Variants in RAI1 observed in about 807,000 individuals in gnomAD.
The protein encoded by RAI1 is retinoic acid-induced protein 1.
Under a neutral mutation model 123.8 loss-of-function variants are expected in RAI1, and 9 were observed. The observed-to-expected ratio is 0.07, with a 90% CI of 0.04 to 0.13. The LOEUF (loss-of-function observed/expected upper bound fraction) is 0.13, where lower values mean the gene tolerates loss of function less well. RAI1 is among the 10% of genes least tolerant of loss of function. The pLI is 1.00. For missense variants in RAI1, 2,256 were observed against 2,545.8 expected (o/e 0.89, Z 2.45); for synonymous variants, 1,231 against 1,127.3 (o/e 1.09, Z -1.84).
chr17:17,738,882 T>A (rs578232998), intron 2 of RAI1, among the ~76,000 whole-genome samples: 1 of 152,274 alleles, frequency 6.6e-6, no homozygotes, highest in South Asian at 2.1e-4. Context: ...TGGGCTGTCC[T>A]CCCTGTTTTT....
At chr17:17,725,394 C>T (rs1916053181) in intron 2 of RAI1, among the ~76,000 whole-genome samples, 1 of 152,282 alleles carries the variant, frequency 6.6e-6, no homozygotes, top group East Asian at 1.9e-4. Context: ...CGCCTCGACC[C>T]CTCCCTCAGG....
intron 1 of RAI1, 32 bp downstream of exon 1, chr17:17,681,825 C>CTTTGTG: frequency 3.5e-6 from 1 of 289,204 alleles, no homozygotes; most frequent in Non-Finnish European, 6.4e-6. Flanking sequence ...GCGGGGGGCG[C>CTTTGTG]AGTGTATCCT....
At chr17:17,744,612 G>A (rs1916754473) in intron 2 of RAI1, among the ~76,000 whole-genome samples, 1 of 152,008 alleles carries the variant, frequency 6.6e-6, no homozygotes, top group Admixed American at 6.6e-5. Flanking sequence ...CCAACATGGT[G>A]AAACCCTGTC....
chr17:17,791,500 C>G (rs2032012038), intron 2 of RAI1, among the ~76,000 whole-genome samples: 1 of 152,190 alleles, frequency 6.6e-6, no homozygotes, highest in Non-Finnish European at 1.5e-5. Flanking sequence ...TTCCTGACCC[C>G]TTCAACAACC....
intron 2 of RAI1, among the ~76,000 whole-genome samples, chr17:17,752,814 G>A (rs2030263372): frequency 6.6e-6 from 1 of 152,182 alleles, no homozygotes; most frequent in Non-Finnish European, 1.5e-5. Flanking sequence ...CACACAGACC[G>A]TGACCTGCCC....
intron 2 of RAI1, chr17:17,777,958 C>T (rs2031413012): frequency 6.6e-6 from 1 of 152,250 alleles, no homozygotes; most frequent in African/African-American, 2.4e-5. Context: ...GAGGGTGCTC[C>T]TTGGACAGGA....
chr17:17,785,401 C>T (rs987279109), intron 2 of RAI1, among the ~76,000 whole-genome samples: 2 of 152,244 alleles, frequency 1.3e-5, no homozygotes, highest in Non-Finnish European at 2.9e-5. Context: ...GGGACATCGA[C>T]TCTGGGGCCA....
In RAI1 at chr17:17,681,748, G is replaced by A. The variant is rs1468380903; in HGVS notation, c.-194G>A. On this transcript the variant is annotated 5_prime_UTR_variant, in exon 1 of 6. Transcript: ENST00000353383. ...GCCACCCAGGCCTCCGGGCCGCGAA[G>A]TCGCAGCGCCAGACCCAAGGCCCCC... The A allele has an allele frequency of 3.0e-6, 1 of 328,278 alleles. No individual in the cohort carries two copies. The highest frequency in any genetic ancestry group is 2.2e-5 in the African/African-American group (1 of 45,658). The allele number at this position is 328,278 out of a possible 1,614,324, so 20.3% of individuals were successfully genotyped here.
chr17:17,784,172 C>T (rs1237926059), intron 2 of RAI1, among the ~76,000 whole-genome samples: 2 of 152,198 alleles, frequency 1.3e-5, no homozygotes, highest in Non-Finnish European at 2.9e-5. Flanking sequence ...GGCTTCCTCC[C>T]CTGGGGACTG....
rs547345429 is a variant in RAI1 at position 17,769,184 on chromosome 17, C to T, written c.-16-23749C>T. On this transcript the variant is annotated intron_variant, in intron 2 of 5. Coordinates refer to ENST00000353383, the MANE Select transcript of RAI1 (RefSeq NM_030665.4). Reference sequence around the variant, plus strand: ...CACGAACAAGGGAGAAAGTTGCTGGCGTGGTCTCCTCACAGAAGAGCCAGG... The same window carrying T: ...CACGAACAAGGGAGAAAGTTGCTGGTGTGGTCTCCTCACAGAAGAGCCAGG... Among the ~76,000 whole-genome samples, 5 of 152,382 alleles carry T rather than the reference C, an allele frequency of 3.3e-5. No homozygotes were observed. The East Asian group carries it at 5.8e-4, about 18-fold the overall frequency.
intron 2 of RAI1, among the ~76,000 whole-genome samples, chr17:17,764,279 A>G (rs930616046): frequency 6.6e-6 from 1 of 152,184 alleles, no homozygotes; most frequent in Non-Finnish European, 1.5e-5. Context: ...AGCACGAATC[A>G]TAGGTGGACA....
At chr17:17,743,237 G>T (rs1173787228) in intron 2 of RAI1, among the ~76,000 whole-genome samples, 1 of 152,164 alleles carries the variant, frequency 6.6e-6, no homozygotes, top group Non-Finnish European at 1.5e-5. Flanking sequence ...TGATCCTCTT[G>T]CCTTGGCCTC....
intron 1 of RAI1, among the ~76,000 whole-genome samples, chr17:17,705,279 T>A (rs1915357476): frequency 6.6e-6 from 1 of 152,244 alleles, no homozygotes; most frequent in South Asian, 2.1e-4. Context: ...GTTTGACTCA[T>A]TTTCTCACTC....
chr17:17,744,052 AAGAGGCT>A (rs1916729417), intron 2 of RAI1, among the ~76,000 whole-genome samples: 1 of 152,224 alleles, frequency 6.6e-6, no homozygotes, highest in Admixed American at 6.5e-5. Flanking sequence ...CACAGTATTT[AAGAGGCT>A]TTGCCTACAG....
chr17:17,710,450 C>T (rs1915532051), intron 1 of RAI1, among the ~76,000 whole-genome samples: 1 of 152,254 alleles, frequency 6.6e-6, no homozygotes, highest in Non-Finnish European at 1.5e-5. Context: ...CTCCATCCCC[C>T]ACCCCAGAGT....
chr17:17,751,779 A>G (rs943105935), intron 2 of RAI1, among the ~76,000 whole-genome samples: 2 of 151,970 alleles, frequency 1.3e-5, no homozygotes, highest in Non-Finnish European at 2.9e-5. Flanking sequence ...GGCCTGCCAG[A>G]CCACCTTATT....
At position 17,796,754 on chromosome 17, in the gene RAI1, T is replaced by C. The variant is rs746043068; in HGVS notation, c.3806T>C (p.Leu1269Pro). The change falls in exon 3 of 6, where the codon CTC (leucine) becomes CCC (proline). Residue 1269 changes from leucine to proline, a missense_variant. By Grantham distance (98) the Leu-to-Pro change is moderately conservative. Transcript: ENST00000353383. This position sits in a 1 kb window ranked among gnomAD's most constrained non-coding sequence, Gnocchi z 5.8. ...KEERPEGSPT[L>P]FKRMSSPKKA... The stretch of plus-strand genomic sequence containing the variant: ...GAGAGGCCTGAGGGTTCCCCCACCC[T>C]CTTCAAGAGGATGTCTTCTCCCAAG... The C allele has an allele frequency of 6.2e-6, 10 of 1,613,156 alleles. No homozygotes were observed. In the South Asian group the frequency reaches 9.9e-5, roughly 16 times the overall value.
At chr17:17,735,520 A>AT (rs905728024) in intron 2 of RAI1, among the ~76,000 whole-genome samples, 10 of 145,396 alleles carry the variant, frequency 6.9e-5, no homozygotes, top group East Asian at 2.1e-4. Flanking sequence ...CGCCCGGCTG[A>AT]TTTTTTTTGT....
At chr17:17,746,634 C>CTTTTTTTTT (rs377692656) in intron 2 of RAI1, among the ~76,000 whole-genome samples, 1 of 120,400 alleles carries the variant, frequency 8.3e-6, no homozygotes, top group Non-Finnish European at 1.7e-5. Flanking sequence ...CTTTTCTTTT[C>CTTTTTTTTT]TTTTTTTTTT....
Sources: gnomAD v4.1 joint callset for allele counts (sites outside exome capture counted in the v4.1 genomes callset) on GRCh38, gnomAD v4.1.1 for gene constraint, Gnocchi (gnomAD v3.1) non-coding constraint, MANE v1.5 for transcripts, NCBI Gene and HGNC (gene_info 2026-07-23, HGNC 2026-07-21) for gene names.